The following KCNIP4 variants were observed in gnomAD, a reference collection of about 807,000 sequenced individuals.
The protein encoded by KCNIP4 is potassium voltage-gated channel interacting protein 4.
KCNIP4 carries 12 observed loss-of-function variants against 34.0 expected under a neutral mutation model. The ratio of observed to expected loss-of-function variants is 0.35; its 90% CI spans 0.23 to 0.57. The LOEUF is 0.57. KCNIP4 is among the 20% of genes least tolerant of loss of function. The pLI is 0.83. For missense variants in KCNIP4, 238 were observed against 311.7 expected, an observed-to-expected ratio of 0.76 and a Z score of 1.78; for synonymous variants, 124 against 102.2, an observed-to-expected ratio of 1.21 and a Z score of -1.29.
chr4:21,019,750 T>G (rs184527709), intron 1 of KCNIP4, among the ~76,000 whole-genome samples: 48 of 152,308 alleles, frequency 3.2e-4, no homozygotes, highest in Admixed American at 5.2e-4. Context: ...CCCAATTTAC[T>G]AAAATCATTG....
chr4:21,170,335 C>T lies in KCNIP4; in HGVS notation c.62-287626G>A, dbSNP rs772055325. Among the ~76,000 whole-genome samples the T allele has an allele frequency of 3.3e-5, 5 of 152,072 alleles. No homozygotes were observed. In the South Asian group the frequency reaches 6.2e-4, roughly 19 times the overall value. On this transcript the variant is annotated intron_variant, in intron 1 of 8. Transcript: ENST00000382152. ...ACTGAATAATAAACATAATTTGCTT[C>T]GGTTTCTAACAGAAGTCTTTGAAGA... is the stretch of plus-strand genomic sequence containing the variant.
intron 1 of KCNIP4, among the ~76,000 whole-genome samples, chr4:21,219,119 A>G (rs576632586): frequency 6.6e-6 from 1 of 152,336 alleles, no homozygotes; most frequent in African/African-American, 2.4e-5. Flanking sequence ...TGAACAAAAT[A>G]TGCAACCCAG....
intron 1 of KCNIP4, among the ~76,000 whole-genome samples, chr4:21,222,145 A>G (rs1446059232): frequency 6.6e-6 from 1 of 152,174 alleles, no homozygotes; most frequent in East Asian, 1.9e-4. Flanking sequence ...CCCTAAATAC[A>G]AGCAAATTTG....
intron 1 of KCNIP4, among the ~76,000 whole-genome samples, chr4:20,974,541 A>T (rs2149682060): frequency 6.6e-6 from 1 of 152,266 alleles, no homozygotes; most frequent in South Asian, 2.1e-4. Context: ...ATGCTAAGGT[A>T]GGTTTTTTCA....
At chr4:21,782,637 G>A (rs768874363) in intron 1 of KCNIP4, among the ~76,000 whole-genome samples, 7 of 152,142 alleles carry the variant, frequency 4.6e-5, no homozygotes, top group Non-Finnish European at 7.4e-5. Context: ...GGTTGAGGCC[G>A]CAGTGAGCTG....
At chr4:21,705,926 G>C (rs2109069008) in intron 1 of KCNIP4, among the ~76,000 whole-genome samples, 1 of 152,264 alleles carries the variant, frequency 6.6e-6, no homozygotes, top group African/African-American at 2.4e-5. Flanking sequence ...TCTAGGGAAA[G>C]TAATTACTAA....
intron 1 of KCNIP4, among the ~76,000 whole-genome samples, chr4:21,508,421 C>A (rs899021529): frequency 6.6e-6 from 1 of 152,136 alleles, no homozygotes; most frequent in Non-Finnish European, 1.5e-5. Flanking sequence ...AGCTTCTGCA[C>A]CTTTAATCAG....
intron 1 of KCNIP4, among the ~76,000 whole-genome samples, chr4:21,807,449 A>AG (rs1410852853): frequency 1.3e-5 from 2 of 152,368 alleles, no homozygotes; most frequent in East Asian, 1.9e-4. Flanking sequence ...AAGAAGGATG[A>AG]GGGGTCACTC....
chr4:21,746,246 T>C (rs2109137082), intron 1 of KCNIP4, among the ~76,000 whole-genome samples: 1 of 152,288 alleles, frequency 6.6e-6, no homozygotes. Flanking sequence ...GTTTAGGTGT[T>C]CAACATATGT....
At chr4:21,291,952 G>T (rs1763550021) in intron 1 of KCNIP4, among the ~76,000 whole-genome samples, 1 of 142,336 alleles carries the variant, frequency 7.0e-6, no homozygotes, top group Non-Finnish European at 1.5e-5. Context: ...AAAGAAAAAA[G>T]TCTGATGAAT....
intron 5 of KCNIP4, among the ~76,000 whole-genome samples, chr4:20,748,603 T>TC (rs1313628270): frequency 1.8e-5 from 2 of 112,298 alleles, no homozygotes; most frequent in African/African-American, 6.1e-5. Context: ...TATATATATA[T>TC]ATTCCATAAG....
chr4:21,588,550 A>G (rs1741837576), intron 1 of KCNIP4, among the ~76,000 whole-genome samples: 2 of 152,012 alleles, frequency 1.3e-5, no homozygotes, highest in African/African-American at 4.8e-5. Context: ...CAGGAAATGA[A>G]TTACCTATAT....
intron 1 of KCNIP4, among the ~76,000 whole-genome samples, chr4:21,702,328 C>T (rs1020257912): frequency 2.2e-4 from 33 of 152,086 alleles, no homozygotes; most frequent in African/African-American, 7.7e-4. Context: ...AGCACACTAT[C>T]CTCATGACCT....
chr4:20,803,727 G>GGGAGGAAGGAAGGAAGGA (rs779473449), intron 3 of KCNIP4, among the ~76,000 whole-genome samples: 1 of 91,442 alleles, frequency 1.1e-5, no homozygotes, highest in Non-Finnish European at 2.4e-5. Flanking sequence ...GAGAGAGAGA[G>GGGAGGAAGGAAGGAAGGA]AGGAAGGAAG....
In KCNIP4 at chr4:20,955,953, T is replaced by C. The variant is rs1239098612; in HGVS notation, c.62-73244A>G. Among the ~76,000 whole-genome samples, 6 of 152,230 alleles carry C rather than the reference T, an allele frequency of 3.9e-5. No individual in the cohort carries two copies. In the East Asian group the frequency reaches 1.2e-3, roughly 29 times the overall value. On this transcript the variant is annotated intron_variant, in intron 1 of 8. Coordinates refer to ENST00000382152, the MANE Select transcript of KCNIP4 (RefSeq NM_025221.6). ...AGAAGGTAAATGGCAATTTACATTATTTCTCAGCAATGCTCATTAGTTATG... is the reference window on the plus strand; with the variant it reads ...AGAAGGTAAATGGCAATTTACATTACTTCTCAGCAATGCTCATTAGTTATG...
intron 1 of KCNIP4, among the ~76,000 whole-genome samples, chr4:21,293,356 TGG>T (rs1763651934): frequency 6.6e-6 from 1 of 152,164 alleles, no homozygotes; most frequent in Non-Finnish European, 1.5e-5. Context: ...TTTTTTTAAA[TGG>T]TAAAGTCCAT....
At chr4:21,761,849 G>A (rs768586195) in intron 1 of KCNIP4, among the ~76,000 whole-genome samples, 102 of 151,918 alleles carry the variant, frequency 6.7e-4, no homozygotes, top group East Asian at 3.3e-3. Context: ...TAAATGATGC[G>A]GAACAGGAAG....
intron 1 of KCNIP4, among the ~76,000 whole-genome samples, chr4:21,122,803 C>G (rs1167402039): frequency 6.6e-6 from 1 of 152,164 alleles, no homozygotes; most frequent in East Asian, 1.9e-4. Flanking sequence ...ACAACTGAGT[C>G]TGGTACCTTG....
In KCNIP4 at chr4:21,369,818, A is replaced by AT. The variant is rs5856627; in HGVS notation, c.62-487110dup. On this transcript the variant is annotated intron_variant, in intron 1 of 8. Transcript: ENST00000382152. ...AAGGGCCGAGACCTTAACCCAAATA[A>AT]TTTTTTTTTTTTTTTTTTTTTTAGA... Among the ~76,000 whole-genome samples the AT allele has an allele frequency of 2.8e-4, 37 of 131,670 alleles. 4 individuals carry two copies. The highest frequency in any genetic ancestry group is 7.3e-4 in the Admixed American group (10 of 13,698). 86.4% of individuals were successfully genotyped at this position (131,670 alleles called of 152,430 possible). A position where few individuals can be genotyped will look rare whatever the true frequency, so the allele number is the denominator to read the frequency against.
Sources: gnomAD v4.1 joint callset for allele counts (sites outside exome capture counted in the v4.1 genomes callset) on GRCh38, gnomAD v4.1.1 for gene constraint, MANE v1.5 for transcripts, NCBI Gene and HGNC (gene_info 2026-07-23, HGNC 2026-07-21) for gene names.